The following CSMD3 variants were observed in gnomAD, a reference collection of about 807,000 sequenced individuals.
The protein encoded by CSMD3 is CUB and sushi domain-containing protein 3.
Under a neutral mutation model 435.2 loss-of-function variants are expected in CSMD3, and 177 were observed. That is an observed-to-expected ratio of 0.41 (90% CI 0.36 to 0.46). The LOEUF (loss-of-function observed/expected upper bound fraction) is 0.46, where lower values mean the gene tolerates loss of function less well. CSMD3 is among the 20% of genes least tolerant of loss of function. The pLI is 0.34. For synonymous variants in CSMD3, 1,656 were observed against 1,520.5 expected, an observed-to-expected ratio of 1.09 and a Z score of -2.07; for missense variants, 4,265 against 4,504.6, an observed-to-expected ratio of 0.95 and a Z score of 1.52.
At chr8:112,798,340 T>C (rs933612525) in intron 13 of CSMD3, among the ~76,000 whole-genome samples, 2 of 151,802 alleles carry the variant, frequency 1.3e-5, no homozygotes, top group Non-Finnish European at 2.9e-5. Flanking sequence ...ATGGAGATTT[T>C]TTATTTTATC....
intron 1 of CSMD3, among the ~76,000 whole-genome samples, chr8:113,384,516 A>C (rs2094431258): frequency 3.3e-5 from 5 of 152,188 alleles, no homozygotes; most frequent in Admixed American, 3.3e-4. Context: ...AGCAGCTTCC[A>C]TCTCTAGAGC....
intron 61 of CSMD3, among the ~76,000 whole-genome samples, chr8:112,258,680 G>C (rs56021071): frequency 0.03 from 4,530 of 152,248 alleles, 234 homozygotes; most frequent in African/African-American, 0.1. Flanking sequence ...CTGTTGGTGG[G>C]AATGTAAATT....
intron 3 of CSMD3, among the ~76,000 whole-genome samples, chr8:113,187,611 G>T (rs1380642335): frequency 6.6e-6 from 1 of 151,928 alleles, no homozygotes; most frequent in Non-Finnish European, 1.5e-5. Flanking sequence ...GATTCACATT[G>T]ACAAGAGAGT....
intron 52 of CSMD3, among the ~76,000 whole-genome samples, chr8:112,304,175 G>A (rs1246399776): frequency 2.6e-5 from 4 of 152,096 alleles, no homozygotes; most frequent in South Asian, 4.1e-4. Context: ...ACCATTAAAT[G>A]TTTGCAGTAA....
chr8:112,545,172 G>A (rs753321674), intron 27 of CSMD3, among the ~76,000 whole-genome samples: 1 of 151,974 alleles, frequency 6.6e-6, no homozygotes, highest in Non-Finnish European at 1.5e-5. Flanking sequence ...CAAAATATCT[G>A]TCAGGGCAAC....
intron 5 of CSMD3, among the ~76,000 whole-genome samples, chr8:113,086,784 T>C (rs1564297906): frequency 6.6e-6 from 1 of 152,174 alleles, no homozygotes. Context: ...CTTTAGCAAA[T>C]TGGTACTATG....
At chr8:113,062,863 A>G (rs1475820777) in intron 5 of CSMD3, among the ~76,000 whole-genome samples, 1 of 151,730 alleles carries the variant, frequency 6.6e-6, no homozygotes, top group Admixed American at 6.6e-5. Flanking sequence ...AGCTATATAT[A>G]TATTATCATT....
At chr8:112,282,440 T>A (rs1274168424) in intron 58 of CSMD3, among the ~76,000 whole-genome samples, 7 of 152,212 alleles carry the variant, frequency 4.6e-5, no homozygotes, top group African/African-American at 1.4e-4. Flanking sequence ...ATTTTGGCCA[T>A]GTTTACTTGT....
At chr8:112,324,355 G>T (rs1823292775) in intron 45 of CSMD3, among the ~76,000 whole-genome samples, 1 of 151,998 alleles carries the variant, frequency 6.6e-6, no homozygotes, top group Admixed American at 6.6e-5. Flanking sequence ...TATGTATTTT[G>T]TATTGTATTT....
intron 38 of CSMD3, 42 bp from the exon 39 acceptor site, chr8:112,352,576 G>T: frequency 1.3e-6 from 2 of 1,531,250 alleles, no homozygotes; most frequent in South Asian, 1.1e-5. Flanking sequence ...ACTTTCAAGT[G>T]ATAAATGCTT....
chr8:112,276,605 T>C (rs1373455803), intron 59 of CSMD3, among the ~76,000 whole-genome samples: 1 of 151,852 alleles, frequency 6.6e-6, no homozygotes, highest in Non-Finnish European at 1.5e-5. Context: ...GTGTGCAGTC[T>C]AGGAATTTGG....
chr8:113,417,378 A>G (rs1179232246), intron 1 of CSMD3, among the ~76,000 whole-genome samples: 7 of 152,048 alleles, frequency 4.6e-5, no homozygotes, highest in African/African-American at 1.4e-4. Context: ...ATATAATACA[A>G]TAGAGACAAA....
chr8:112,644,310 G>A (rs997194318), intron 20 of CSMD3, among the ~76,000 whole-genome samples: 16 of 151,748 alleles, frequency 1.1e-4, no homozygotes, highest in African/African-American at 3.6e-4. Context: ...AAAAATGGAT[G>A]GTAAATTAAA....
chr8:113,313,428 TCTC>T (rs2093885672), intron 2 of CSMD3: 1 of 152,080 alleles, frequency 6.6e-6, no homozygotes, highest in African/African-American at 2.4e-5. Flanking sequence ...TTCACGCCAT[TCTC>T]CTGCCTCAGC....
At chr8:112,316,534 A>G (rs1414503456) in intron 47 of CSMD3, among the ~76,000 whole-genome samples, 1 of 151,832 alleles carries the variant, frequency 6.6e-6, no homozygotes, top group Non-Finnish European at 1.5e-5. Context: ...TTCTCACATT[A>G]TCTAACATAT....
intron 10 of CSMD3, among the ~76,000 whole-genome samples, chr8:112,906,926 C>T (rs969593330): frequency 1.3e-5 from 2 of 151,420 alleles, no homozygotes; most frequent in African/African-American, 4.8e-5. Context: ...ATCTAGGGTA[C>T]GCTGCTGAAT....
intron 7 of CSMD3, among the ~76,000 whole-genome samples, chr8:112,961,357 T>C (rs1440555645): frequency 6.6e-6 from 1 of 151,866 alleles, no homozygotes; most frequent in Non-Finnish European, 1.5e-5. Context: ...TTGATCAAAA[T>C]GGAAAATTTA....
chr8:112,494,547 C>CTTTAT (rs547910177), intron 30 of CSMD3, among the ~76,000 whole-genome samples: 1 of 118,826 alleles, frequency 8.4e-6, no homozygotes, highest in Admixed American at 8.5e-5. Context: ...TTCTTTCTTT[C>CTTTAT]TTTCTTTCTT....
chr8:112,284,084 C>T, intron 58 of CSMD3, among the ~76,000 whole-genome samples: 1 of 151,912 alleles, frequency 6.6e-6, no homozygotes. Flanking sequence ...TATATTGCCA[C>T]AGAACCACTA....
Sources: allele counts gnomAD v4.1 joint callset (sites outside exome capture counted in the v4.1 genomes callset), GRCh38; gene constraint gnomAD v4.1.1; transcripts MANE v1.5; gene names NCBI Gene and HGNC (gene_info 2026-07-23, HGNC 2026-07-21).